The following NPM1 variants were observed in gnomAD, a reference collection of about 807,000 sequenced individuals.
NPM1 encodes the protein nucleophosmin.
A neutral mutation model predicts 44.1 loss-of-function variants in NPM1; 1 was observed. That is an observed-to-expected ratio of 0.02 (90% confidence interval 0.01 to 0.11). The LOEUF (loss-of-function observed/expected upper bound fraction) is 0.11. Among genes scored for constraint, NPM1 ranks in the 10% least tolerant of loss-of-function variants. The pLI, the probability that NPM1 is intolerant of heterozygous loss-of-function variation, is 1.00. For synonymous variants in NPM1, 126 were observed against 111.8 expected, an observed-to-expected ratio of 1.13 and a Z score of -0.80; for missense variants, 197 against 347.8, an observed-to-expected ratio of 0.57 and a Z score of 3.45.
In NPM1 at chr5:171,391,286, A is replaced by T. The variant is rs1315559790; in HGVS notation, c.139-19A>T. ...GGTGGAACTCAAAAGTTGAAGTAGT[A>T]TTTTTTTTTTGTTCACAGGTCAGTT... On this transcript the variant is annotated intron_variant, in intron 2 of 10. Transcript: ENST00000296930. The T allele has an allele frequency of 1.0e-5, 14 of 1,399,960 alleles. No individual in the cohort carries two copies. In the East Asian group the frequency reaches 3.4e-4, roughly 34 times the overall value. 86.7% of individuals were successfully genotyped at this position (1,399,960 alleles called of 1,614,324 possible). A position where few individuals can be genotyped will look rare whatever the true frequency, so the allele number is the denominator to read the frequency against.
At chr5:171,407,614 G>T in intron 9 of NPM1, 86 bp from the exon 10 acceptor site, 1 of 785,470 alleles carries the variant, frequency 1.3e-6, no homozygotes, top group Non-Finnish European at 2.2e-6. Context: ...CCATGTAGTA[G>T]CATGCAGATT....
In NPM1 at chr5:171,391,553, G is replaced by A. The variant is rs939202809; in HGVS notation, c.258+129G>A. The A allele has an allele frequency of 2.4e-6, 3 of 1,268,206 alleles. No individual in the cohort carries two copies. The African/African-American group carries it at 4.5e-5, about 19-fold the overall frequency. The allele number at this position is 1,268,206 out of a possible 1,614,324, so 78.6% of individuals were successfully genotyped here. ...TATCTTCTGTCACTGGAGTTCGATG[G>A]TCAACTCTTGAACATGGGGGCTTCT... On this transcript the variant is annotated intron_variant, in intron 3 of 10. Coordinates refer to ENST00000296930, the MANE Select transcript of NPM1 (RefSeq NM_002520.7).
chr5:171,390,196 G>A, intron 2 of NPM1, 66 bp downstream of exon 2: 2 of 929,228 alleles, frequency 2.2e-6, no homozygotes, highest in Admixed American at 2.9e-5. Context: ...TTCTATTCAT[G>A]TGGCTTGAGA....
chr5:171,387,777 G>A, upstream of NPM1: 1 of 656,914 alleles, frequency 1.5e-6, no homozygotes, highest in South Asian at 1.8e-5. Context: ...CGGAGCACGC[G>A]CGCGGAGGCG....
intron 9 of NPM1, chr5:171,406,688 G>T (rs763765757): frequency 1.9e-4 from 239 of 1,273,126 alleles, no homozygotes; most frequent in Non-Finnish European, 2.2e-4. Flanking sequence ...AATCGCCTTT[G>T]TATCTCCTTA....
chr5:171,388,031 G>A (rs1770345316), intron 1 of NPM1, 25 bp downstream of exon 1: 1 of 1,590,988 alleles, frequency 6.3e-7, no homozygotes, highest in Non-Finnish European at 8.6e-7. Flanking sequence ...GAGCTGGAGC[G>A]AGGCCGAGCG....
chr5:171,387,887 T>A lies in NPM1; in HGVS notation c.-62T>A, dbSNP rs1030760577. ...GATTCCGTCCTGCGCGGTTGTTCTC[T>A]GGAGCAGCGTTCTTTTATCTCCGTC... On this transcript the variant is annotated 5_prime_UTR_variant, in exon 1 of 11. Coordinates refer to ENST00000296930, the MANE Select transcript of NPM1 (RefSeq NM_002520.7). 9.2e-6 allele frequency: 14 copies of A among 1,519,196 alleles called. No individual in the cohort carries two copies. Among genetic ancestry groups the A allele is most frequent in the Admixed American group, 8.4e-5 (5 of 59,542 alleles). 94.1% of individuals were successfully genotyped at this position (1,519,196 alleles called of 1,614,324 possible).
intron 1 of NPM1, among the ~76,000 whole-genome samples, chr5:171,388,291 G>T (rs1030204562): frequency 4.6e-5 from 7 of 152,198 alleles, no homozygotes; most frequent in Non-Finnish European, 7.3e-5. Flanking sequence ...CCGCCTGGAA[G>T]TTCGGCCTTT....
chr5:171,406,637 T>C lies in NPM1; in HGVS notation c.772-1063T>C, dbSNP rs1771584443. On this transcript the variant is annotated intron_variant, in intron 9 of 10. Transcript: ENST00000296930. ...TGATTCAGTGAACCTTGCCCTTTGC[T>C]TTCTATTACTTGTGCATTTGCCTCA... 2.1e-5 allele frequency: 28 copies of C among 1,323,088 alleles called. No homozygotes were observed. In the South Asian group the frequency reaches 3.5e-4, roughly 16 times the overall value. 82.0% of individuals were successfully genotyped at this position (1,323,088 alleles called of 1,614,324 possible).
At chr5:171,388,047 TGGTGGCGGTGAG>T (rs781351721) in intron 1 of NPM1, 41 bp downstream of exon 1, 9 of 935,072 alleles carry the variant, frequency 9.6e-6, no homozygotes, top group Admixed American at 3.8e-5. Context: ...GAGCGGGGCC[TGGTGGCGGTGAG>T]GGTGGGGGTG....
intron 6 of NPM1, among the ~76,000 whole-genome samples, chr5:171,399,897 G>A (rs1260870765): frequency 6.6e-6 from 1 of 152,146 alleles, no homozygotes; most frequent in African/African-American, 2.4e-5. Flanking sequence ...ATCATACAGT[G>A]TTTGTTCTTT....
chr5:171,390,327 G>A (rs1490894199), intron 2 of NPM1, among the ~76,000 whole-genome samples, 197 bp downstream of exon 2: 1 of 152,148 alleles, frequency 6.6e-6, no homozygotes, highest in Non-Finnish European at 1.5e-5. Context: ...TGGTAACCAT[G>A]TAAATTCCAG....
intron 9 of NPM1, chr5:171,406,581 G>T: frequency 7.0e-7 from 1 of 1,421,876 alleles, no homozygotes; most frequent in East Asian, 2.5e-5. Flanking sequence ...ACAATCTCTT[G>T]GTTCCCTAAA....
chr5:171,387,281 G>T (rs1183367234), upstream of NPM1: 3 of 152,714 alleles, frequency 2.0e-5, no homozygotes, highest in African/African-American at 7.2e-5. Flanking sequence ...CAAAGAATAA[G>T]CCGCAATTCA....
chr5:171,398,942 C>T (rs930014265), intron 6 of NPM1, among the ~76,000 whole-genome samples: 1 of 151,080 alleles, frequency 6.6e-6, no homozygotes, highest in African/African-American at 2.4e-5. Flanking sequence ...TCACTGCAAC[C>T]TCCGCCTCCT....
chr5:171,403,081 A>G (rs1274555875), intron 8 of NPM1, among the ~76,000 whole-genome samples: 1 of 114,946 alleles, frequency 8.7e-6, no homozygotes, highest in African/African-American at 3.3e-5. Context: ...TCATGGGACA[A>G]TAGTGGAGGG....
intron 9 of NPM1, chr5:171,406,771 G>A (rs1287135149): frequency 2.9e-6 from 3 of 1,032,504 alleles, no homozygotes; most frequent in African/African-American, 3.3e-5. Flanking sequence ...AAATTGTGAG[G>A]TTTATTTTAC....
upstream of NPM1, chr5:171,387,698 C>T (rs188037600): frequency 7.7e-6 from 4 of 522,472 alleles, no homozygotes; most frequent in East Asian, 3.2e-5. Context: ...GAGGTGGGGG[C>T]GAGGTAGAAA....
At chr5:171,391,094 G>T in intron 2 of NPM1, 1 of 538,678 alleles carries the variant, frequency 1.9e-6, no homozygotes, top group South Asian at 2.4e-5. Flanking sequence ...CACTGTACAG[G>T]TTTGTAGCCT....
Sources: gnomAD v4.1 joint callset for allele counts (sites outside exome capture counted in the v4.1 genomes callset) on GRCh38, gnomAD v4.1.1 for gene constraint, MANE v1.5 for transcripts, NCBI Gene and HGNC (gene_info 2026-07-23, HGNC 2026-07-21) for gene names.